Variants in RGS3 observed in about 807,000 individuals in gnomAD.
The protein encoded by RGS3 is regulator of G-protein signalling 3.
RGS3 carries 80 observed loss-of-function variants against 132.6 expected under a neutral mutation model. The observed-to-expected ratio is 0.60, with a 90% CI of 0.50 to 0.73. The LOEUF (loss-of-function observed/expected upper bound fraction) is 0.73. Among genes scored for constraint, RGS3 ranks in the 30% least tolerant of loss-of-function variants. The pLI, the probability that RGS3 is intolerant of heterozygous loss-of-function variation, is 0.00. For synonymous variants in RGS3, 598 were observed against 620.6 expected (o/e 0.96, Z 0.54); for missense variants, 1,382 against 1,530.8 (o/e 0.90, Z 1.62).
exon 17 of RGS3, chr9:113,522,950 G>A (rs370384416): frequency 9.7e-5 from 157 of 1,613,634 alleles, no homozygotes; most frequent in Middle Eastern, 1.6e-4. Flanking sequence ...TTGCCTATTC[G>A]GACCTGCTGC....
exon 9 of RGS3, chr9:113,497,319 C>A (rs1485352847): frequency 6.2e-7 from 1 of 1,612,112 alleles, no homozygotes; most frequent in Middle Eastern, 1.7e-4. Flanking sequence ...GACAGGAGAT[C>A]AGTGGTTGGT....
chr9:113,536,696 A>G, intron 18 of RGS3, 100 bp from the exon 17 acceptor site: 1 of 1,527,786 alleles, frequency 6.5e-7, no homozygotes, highest in Non-Finnish European at 8.8e-7. Flanking sequence ...TCCTGGCTGC[A>G]GCCTCACCCT....
intron 15 of RGS3, among the ~76,000 whole-genome samples, chr9:113,515,355 G>GGT (rs1349453905): frequency 6.6e-6 from 1 of 151,894 alleles, no homozygotes; most frequent in African/African-American, 2.4e-5. Context: ...TATTGGGCCA[G>GGT]GTGTGGTGGC....
intron 19 of RGS3, among the ~76,000 whole-genome samples, chr9:113,560,107 G>T (rs1564569714): frequency 6.6e-6 from 1 of 152,204 alleles, no homozygotes; most frequent in Non-Finnish European, 1.5e-5. Context: ...TTCAAAGACT[G>T]TGCTCTCTCT....
chr9:113,462,028 ACGT>A (rs1564446147), exon 3 of RGS3: 4 of 1,613,376 alleles, frequency 2.5e-6, no homozygotes, highest in Non-Finnish European at 2.5e-6. Context: ...CAGGTCTGCC[ACGT>A]CTCTGTGCTC....
intron 19 of RGS3, among the ~76,000 whole-genome samples, chr9:113,552,661 C>T (rs1182956435): frequency 6.6e-6 from 1 of 152,138 alleles, no homozygotes; most frequent in African/African-American, 2.4e-5. Context: ...CCCTGCCCCT[C>T]CCAAAAATAT....
At chr9:113,583,492 G>A (rs1182760258) in exon 20 of RGS3, 2 of 1,614,226 alleles carry the variant, frequency 1.2e-6, no homozygotes, top group Non-Finnish European at 1.7e-6. Flanking sequence ...GATGGCCTTG[G>A]AGGAAGGGAA....
intron 16 of RGS3, chr9:113,522,649 C>T: frequency 2.3e-6 from 1 of 438,510 alleles, no homozygotes; most frequent in South Asian, 2.5e-5. Context: ...CAGAGACCAG[C>T]TGCCATGGAG....
At chr9:113,535,267 A>G (rs988407839) in intron 18 of RGS3, among the ~76,000 whole-genome samples, 3 of 151,928 alleles carry the variant, frequency 2.0e-5, no homozygotes, top group Non-Finnish European at 4.4e-5. Context: ...TCTGCCTGCC[A>G]GGTTCAAGTG....
intron 18 of RGS3, among the ~76,000 whole-genome samples, chr9:113,531,487 C>T (rs1287853087): frequency 6.6e-6 from 1 of 152,194 alleles, no homozygotes; most frequent in Non-Finnish European, 1.5e-5. Context: ...ATCCAAAGCA[C>T]TTAGCACAGA....
chr9:113,581,890 GC>G (rs1394375089), intron 19 of RGS3: 2 of 295,154 alleles, frequency 6.8e-6, no homozygotes, highest in African/African-American at 4.5e-5. Context: ...TGGCCTGTGA[GC>G]CATAGCCTAA....
At chr9:113,516,988 C>G (rs116632681) in intron 15 of RGS3, among the ~76,000 whole-genome samples, 2,217 of 152,280 alleles carry the variant, frequency 0.015, 61 homozygotes, top group African/African-American at 0.051. Flanking sequence ...CTGGGCTGGG[C>G]AAGGTGAGGG....
chr9:113,451,377 T>C (rs1829241726), intron 1 of RGS3, among the ~76,000 whole-genome samples: 1 of 152,130 alleles, frequency 6.6e-6, no homozygotes, highest in Non-Finnish European at 1.5e-5. Context: ...CCCTGTTTCT[T>C]TACAGTATGG....
At position 113,565,293 on chromosome 9, in the gene RGS3, G is replaced by A. The variant is rs376517741; in HGVS notation, c.2038-18157G>A. ...GATGAAAGTGCTTTGAGAAACCACA[G>A]AGTTTTCTGTTTAATGGAAGAAAGA... On this transcript the variant is annotated intron_variant, in intron 19 of 24. Coordinates refer to ENST00000350696, the Ensembl canonical transcript of RGS3. This position sits in a 1 kb window ranked among gnomAD's most constrained non-coding sequence, Gnocchi z 5.7. 1 of 1,289,550 alleles carries A rather than the reference G, an allele frequency of 7.8e-7. No individual in the cohort carries two copies. Among genetic ancestry groups the A allele is most frequent in the Non-Finnish European group, 1.0e-6 (1 of 988,810 alleles). 79.9% of individuals were successfully genotyped at this position (1,289,550 alleles called of 1,614,324 possible).
intron 19 of RGS3, among the ~76,000 whole-genome samples, chr9:113,557,977 A>T (rs1833638365): frequency 6.6e-6 from 1 of 152,210 alleles, no homozygotes; most frequent in Non-Finnish European, 1.5e-5. Flanking sequence ...TGGGTGTTGT[A>T]GAAAGCTGAT....
chr9:113,589,959 A>T (rs1161804446), intron 20 of RGS3: 2 of 152,218 alleles, frequency 1.3e-5, no homozygotes, highest in African/African-American at 2.4e-5. Flanking sequence ...CTGAAATCAC[A>T]CACCATACGG....
intron 7 of RGS3, among the ~76,000 whole-genome samples, chr9:113,493,738 T>C (rs1830595101): frequency 6.6e-6 from 1 of 152,178 alleles, no homozygotes; most frequent in Non-Finnish European, 1.5e-5. Flanking sequence ...CAGGCTCCCA[T>C]GCTCGAACCC....
Position 113,583,061 on chromosome 9 carries a change from C to G in RGS3, c.2038-389C>G, listed in dbSNP as rs1447061152. 3 of 237,854 alleles carry G rather than the reference C, an allele frequency of 1.3e-5. No homozygotes were observed. In the East Asian group the frequency reaches 3.2e-4, roughly 26 times the overall value. 14.7% of individuals were successfully genotyped at this position (237,854 alleles called of 1,614,324 possible). On this transcript the variant is annotated intron_variant, in intron 19 of 24. Coordinates refer to ENST00000350696, the Ensembl canonical transcript of RGS3. ...CCTGGTTCTCCTTTATCCCCAGAGG[C>G]AACTTTGACCCTGTTTCCTTTTCTG...
rs1291780633 is a variant in RGS3 at position 113,565,380 on chromosome 9, G to A, written c.2038-18070G>A. The A allele has an allele frequency of 3.1e-6, 4 of 1,289,978 alleles. No individual in the cohort carries two copies. The highest frequency in any genetic ancestry group is 1.2e-5 in the South Asian group (1 of 81,568). 79.9% of individuals were successfully genotyped at this position (1,289,978 alleles called of 1,614,324 possible). On this transcript the variant is annotated intron_variant, in intron 19 of 24. Coordinates refer to ENST00000350696, the Ensembl canonical transcript of RGS3. The surrounding 1 kb of genome is among the most constrained non-coding windows in gnomAD (Gnocchi z 5.7). Reference sequence around the variant, plus strand: ...GACAGGGTGTGTGTTTGGGAAAGGCGCTGGAGGAGGAGGAAGAGGAGGAGG... The same window carrying A: ...GACAGGGTGTGTGTTTGGGAAAGGCACTGGAGGAGGAGGAAGAGGAGGAGG...
Sources: gnomAD v4.1 joint callset for allele counts (sites outside exome capture counted in the v4.1 genomes callset) on GRCh38, gnomAD v4.1.1 for gene constraint, Gnocchi (gnomAD v3.1) non-coding constraint, MANE v1.5 for transcripts, NCBI Gene and HGNC (gene_info 2026-07-23, HGNC 2026-07-21) for gene names.